Variants in PCGF5 observed in about 807,000 individuals in gnomAD.
PCGF5 encodes the protein polycomb group ring finger 5, also known as polycomb group RING finger protein 5.
Under a neutral mutation model 44.3 loss-of-function variants are expected in PCGF5, and 9 were observed. The observed-to-expected ratio is 0.20, with a 90% CI of 0.12 to 0.35. PCGF5 has a LOEUF of 0.35. Ranked by LOEUF, PCGF5 falls within the 10% of genes least tolerant of loss-of-function variation. The pLI, the probability that PCGF5 is intolerant of heterozygous loss-of-function variation, is 1.00. For missense variants in PCGF5, 146 were observed against 305.3 expected, an observed-to-expected ratio of 0.48 and a Z score of 3.89; for synonymous variants, 95 against 102.5, an observed-to-expected ratio of 0.93 and a Z score of 0.44.
At chr10:91,226,093 C>T (rs1844827470) in intron 2 of PCGF5, among the ~76,000 whole-genome samples, 1 of 151,844 alleles carries the variant, frequency 6.6e-6, no homozygotes, top group Non-Finnish European at 1.5e-5. Context: ...TGTTATGATG[C>T]TACAAAGAAT....
At chr10:91,180,359 A>G (rs1843797117) in intron 1 of PCGF5, among the ~76,000 whole-genome samples, 1 of 152,126 alleles carries the variant, frequency 6.6e-6, no homozygotes, top group Non-Finnish European at 1.5e-5. Context: ...ATTAGATCCC[A>G]CTTGTCAACT....
At chr10:91,264,576 C>A in intron 8 of PCGF5, 56 bp downstream of exon 8, 1 of 1,322,500 alleles carries the variant, frequency 7.6e-7, no homozygotes, top group Non-Finnish European at 1.0e-6. Context: ...CATTATGTTA[C>A]TCAAATTTAA....
At chr10:91,248,060 C>G (rs1845514357) in intron 3 of PCGF5, among the ~76,000 whole-genome samples, 1 of 152,086 alleles carries the variant, frequency 6.6e-6, no homozygotes, top group South Asian at 2.1e-4. Flanking sequence ...TACGTGGTCT[C>G]TCATCCTCCA....
upstream of PCGF5, among the ~76,000 whole-genome samples, chr10:91,159,519 C>T (rs1843354557): frequency 6.6e-6 from 1 of 152,122 alleles, no homozygotes; most frequent in Non-Finnish European, 1.5e-5. Context: ...CATGAGAAGT[C>T]AGCACTCCAG....
chr10:91,246,970 GATAGATA>G (rs1564648047), intron 3 of PCGF5, among the ~76,000 whole-genome samples: 114 of 1,486 alleles, frequency 0.077, no homozygotes, highest in Non-Finnish European at 0.11. Context: ...TAGATGGATA[GATAGATA>G]GATAGATAGA....
At chr10:91,263,360 GA>G (rs1191857796) in intron 7 of PCGF5, among the ~76,000 whole-genome samples, 6 of 152,052 alleles carry the variant, frequency 3.9e-5, no homozygotes, top group African/African-American at 1.4e-4. Context: ...TTAATAAAAT[GA>G]TGCCTGAAAA....
At chr10:91,200,987 A>G (rs1170797367) in intron 1 of PCGF5, among the ~76,000 whole-genome samples, 2 of 152,142 alleles carry the variant, frequency 1.3e-5, no homozygotes, top group African/African-American at 4.8e-5. Context: ...GGGCAAGCAC[A>G]AGATTCAAGA....
chr10:91,156,589 A>G, the PCGF5 span, among the ~76,000 whole-genome samples: 3 of 152,202 alleles, frequency 2.0e-5, no homozygotes, highest in Admixed American at 2.0e-4. Context: ...TTGGCCTGTC[A>G]CTATGAACTA....
chr10:91,192,783 T>C (rs193128453), intron 1 of PCGF5, among the ~76,000 whole-genome samples: 41 of 152,098 alleles, frequency 2.7e-4, no homozygotes, highest in Admixed American at 8.5e-4. Flanking sequence ...CAAAAGTGGG[T>C]AGGAAGAAGG....
At chr10:91,245,353 C>A (rs1845433231) in intron 3 of PCGF5, among the ~76,000 whole-genome samples, 1 of 152,062 alleles carries the variant, frequency 6.6e-6, no homozygotes, top group African/African-American at 2.4e-5. Flanking sequence ...AGAGCACTTT[C>A]TTTAGAGCTG....
At chr10:91,251,100 T>A (rs562391258) in intron 5 of PCGF5, among the ~76,000 whole-genome samples, 192 bp from the exon 6 acceptor site, 12,511 of 140,630 alleles carry the variant, frequency 0.089, 720 homozygotes, top group African/African-American at 0.2. Flanking sequence ...GTTTCCAATT[T>A]TTTTTTTTTT....
In PCGF5 at chr10:91,210,131, G is replaced by A. The variant is rs77805456; in HGVS notation, c.-183-12558G>A. On this transcript the variant is annotated intron_variant, in intron 1 of 9. Coordinates refer to the PCGF5 transcript ENST00000614189. ...ATATGCCCCACTGCTCTCCCTTAAC[G>A]CTTCCTTCTTCCTAGAGGGATGGGC... 4.1e-4 allele frequency among the ~76,000 whole-genome samples: 62 copies of A among 152,196 alleles called. 2 individuals are homozygous for A. The East Asian group carries it at 0.011, about 27-fold the overall frequency.
rs189352116 is a variant in PCGF5, at chr10:91,255,506, G to T, written c.474+4066G>T. Among the ~76,000 whole-genome samples, 226 of 152,108 alleles carry T rather than the reference G, an allele frequency of 1.5e-3. 1 individual carries two copies. The highest frequency in any genetic ancestry group is 2.2e-3 in the Admixed American group (34 of 15,258). Reference sequence around the variant, plus strand: ...GTCAACACCTTAGTTGAATATTGGTGGTATGCCCCCAAACACATACCCAGA... The same window carrying T: ...GTCAACACCTTAGTTGAATATTGGTTGTATGCCCCCAAACACATACCCAGA... On this transcript the variant is annotated intron_variant, in intron 6 of 9. Coordinates refer to ENST00000336126, the MANE Select transcript of PCGF5 (RefSeq NM_032373.5).
Position 91,248,577 on chromosome 10 carries a change from GT to G in PCGF5, c.265+19del. On this transcript the variant is annotated intron_variant, in intron 4 of 9. Coordinates refer to ENST00000336126, the MANE Select transcript of PCGF5 (RefSeq NM_032373.5). ...TACGAGAACGTAAGTGGCTCTTTAG[GT>G]TCTTGCAGACTTTTGTGTTTTATGA... 1 of 1,611,034 alleles carries G rather than the reference GT, an allele frequency of 6.2e-7. No homozygotes were observed. The highest frequency in any genetic ancestry group is 8.5e-7 in the Non-Finnish European group (1 of 1,177,798).
At chr10:91,265,255 A>G (rs1169392386) in intron 8 of PCGF5, among the ~76,000 whole-genome samples, 1 of 152,166 alleles carries the variant, frequency 6.6e-6, no homozygotes, top group African/African-American at 2.4e-5. Flanking sequence ...ACTTAGGTTC[A>G]AGCATGGGAT....
chr10:91,166,542 C>T (rs1843503788), intron 1 of PCGF5, among the ~76,000 whole-genome samples: 1 of 152,076 alleles, frequency 6.6e-6, no homozygotes, highest in African/African-American at 2.4e-5. Flanking sequence ...TTTATGCCTC[C>T]AGTTTTTTTT....
At chr10:91,183,108 G>T (rs1448588879) in intron 1 of PCGF5, among the ~76,000 whole-genome samples, 2 of 150,690 alleles carry the variant, frequency 1.3e-5, no homozygotes, top group African/African-American at 2.4e-5. Context: ...CCAGTGTTGT[G>T]TATATATTTG....
chr10:91,206,306 G>T (rs1408257854), intron 1 of PCGF5, among the ~76,000 whole-genome samples: 1 of 152,084 alleles, frequency 6.6e-6, no homozygotes, highest in African/African-American at 2.4e-5. Flanking sequence ...GGAAAGGATG[G>T]TGACTTCTGT....
Position 91,264,442 on chromosome 10 carries a change from G to A in PCGF5, c.585G>A (p.Leu195=). Residue 195 remains leucine (L), a synonymous_variant, in exon 8 of 10, where the codon CTG becomes CTA. Coordinates refer to ENST00000336126, the MANE Select transcript of PCGF5 (RefSeq NM_032373.5). ...KLPSSYELDV[L]CNGEIMGKDH... Reference sequence around the variant, plus strand: ...GATTCTTTTTAAAGTTGGATGTGCTGTGCAATGGTGAAATTATGGGGAAGG... The same window carrying A: ...GATTCTTTTTAAAGTTGGATGTGCTATGCAATGGTGAAATTATGGGGAAGG... The A allele has an allele frequency of 6.2e-7, 1 of 1,608,928 alleles. No homozygotes were observed. The highest frequency in any genetic ancestry group is 8.5e-7 in the Non-Finnish European group (1 of 1,177,354).
Sources: gnomAD v4.1 joint callset for allele counts (sites outside exome capture counted in the v4.1 genomes callset) on GRCh38, gnomAD v4.1.1 for gene constraint, MANE v1.5 for transcripts, NCBI Gene and HGNC (gene_info 2026-07-23, HGNC 2026-07-21) for gene names.